LUC7L: variants seen among roughly 807,000 people sequenced by gnomAD.
LUC7L encodes LUC7 like, also known as putative RNA-binding protein Luc7-like 1.
A neutral mutation model predicts 51.1 loss-of-function variants in LUC7L; 29 were observed. The ratio of observed to expected loss-of-function variants is 0.57; its 90% CI spans 0.42 to 0.77. The LOEUF is 0.77. Among genes scored for constraint, LUC7L ranks in the 30% least tolerant of loss-of-function variants. The probability of loss-of-function intolerance (pLI) is 0.00; values close to 1 mark genes in which losing one functional copy is unlikely to be tolerated. For synonymous variants in LUC7L, 181 were observed against 180.7 expected, an observed-to-expected ratio of 1.00 and a Z score of -0.01; for missense variants, 403 against 511.9, an observed-to-expected ratio of 0.79 and a Z score of 2.05.
At chr16:198,170 T>C (rs1319318194) in intron 6 of LUC7L, among the ~76,000 whole-genome samples, 3 of 147,182 alleles carry the variant, frequency 2.0e-5, no homozygotes, top group African/African-American at 2.5e-5. Flanking sequence ...TCCCAGCTAC[T>C]GTGGAGGCTG....
intron 3 of LUC7L, chr16:209,517 A>T (rs1220969570): frequency 4.0e-5 from 6 of 151,656 alleles, no homozygotes; most frequent in Non-Finnish European, 8.8e-5. Context: ...ATAGGGCATC[A>T]CTTTTCCGAC....
intron 5 of LUC7L, among the ~76,000 whole-genome samples, chr16:201,242 T>TAAAAAAAAAAAAAAAAAA: frequency 1.3e-5 from 1 of 78,520 alleles, no homozygotes; most frequent in Non-Finnish European, 2.3e-5. Context: ...GCTACATAAC[T>TAAAAAAAAAAAAAAAAAA]AAAAAAAAAA....
chr16:223,059 G>A (rs920284173), intron 2 of LUC7L, among the ~76,000 whole-genome samples: 1 of 151,004 alleles, frequency 6.6e-6, no homozygotes, highest in Admixed American at 6.6e-5. Flanking sequence ...CAGTCTCATA[G>A]AAAGCATGTA....
In LUC7L at chr16:189,629, A is replaced by C. The variant is rs1250178463; in HGVS notation, c.975-290T>G. 4 of 1,325,706 alleles carry C rather than the reference A, an allele frequency of 3.0e-6. No individual in the cohort carries two copies. The African/African-American group carries it at 5.8e-5, about 19-fold the overall frequency. The allele number at this position is 1,325,706 out of a possible 1,614,324, so 82.1% of individuals were successfully genotyped here. A position where few individuals can be genotyped will look rare whatever the true frequency, so the allele number is the denominator to read the frequency against. ...AGAACATGACACTACGTAAAAACAC[A>C]ATGGAAAAAAAAATATCAAAAACAA... On this transcript the variant is annotated intron_variant, in intron 9 of 9. Coordinates refer to ENST00000293872, the MANE Select transcript of LUC7L (RefSeq NM_201412.3).
In LUC7L at chr16:192,391, T is replaced by C. The variant is rs2049032357; in HGVS notation, c.776+536A>G. 3.3e-5 allele frequency among the ~76,000 whole-genome samples: 5 copies of C among 152,002 alleles called. No homozygotes were observed. The South Asian group carries it at 1.0e-3, about 32-fold the overall frequency. On this transcript the variant is annotated intron_variant, in intron 7 of 9. Coordinates refer to ENST00000293872, the MANE Select transcript of LUC7L (RefSeq NM_201412.3). The stretch of plus-strand genomic sequence containing the variant: ...ATAGCACTCAGTAAGTAAACAGCAG[T>C]GCCCACACACAGCCTCCAACAGCTT...
intron 5 of LUC7L, among the ~76,000 whole-genome samples, chr16:202,421 G>A (rs760233720): frequency 7.9e-5 from 12 of 152,092 alleles, no homozygotes; most frequent in Non-Finnish European, 1.3e-4. Context: ...AGATTTGGAC[G>A]TGCCACACAT....
chr16:194,009 T>G (rs981576782), intron 6 of LUC7L, among the ~76,000 whole-genome samples: 1 of 152,048 alleles, frequency 6.6e-6, no homozygotes, highest in African/African-American at 2.4e-5. Context: ...TTCACCATGT[T>G]AGCCAGGATG....
intron 1 of LUC7L, 75 bp from the exon 2 acceptor site, chr16:227,411 C>G: frequency 6.5e-7 from 1 of 1,532,358 alleles, no homozygotes; most frequent in South Asian, 1.2e-5. Flanking sequence ...TATAACAATT[C>G]ACCTGGATGA....
rs1022581983 is a variant in LUC7L at position 199,182 on chromosome 16, G to A, written c.567C>T (p.Val189=). 1.2e-6 allele frequency: 2 copies of A among 1,610,758 alleles called. No homozygotes were observed. The highest frequency in any genetic ancestry group is 1.7e-6 in the Non-Finnish European group (2 of 1,177,242). The change falls in exon 6 of 10, where the codon GTC becomes GTT. Residue 189 remains valine (V), a synonymous_variant. Coordinates refer to ENST00000293872, the MANE Select transcript of LUC7L (RefSeq NM_201412.3). ...CAAGGTAGGCTGAACAGACCTCGCA[G>A]ACACGCAGCTTTTGCTGCTGAAAAC... ...ASSFQQQKLR[V]CEVCSAYLGL...
chr16:189,594 CT>C, intron 9 of LUC7L: 2 of 1,356,996 alleles, frequency 1.5e-6, no homozygotes, highest in Non-Finnish European at 1.9e-6. Flanking sequence ...GAATACAACA[CT>C]ATATGCACAG....
chr16:224,468 G>A (rs376490086), intron 2 of LUC7L, among the ~76,000 whole-genome samples: 3 of 150,234 alleles, frequency 2.0e-5, no homozygotes, highest in East Asian at 3.9e-4. Context: ...GCAGTGAGCT[G>A]AGATGGAGCC....
chr16:208,319 T>A, intron 3 of LUC7L, 131 bp from the exon 4 acceptor site: 1 of 648,958 alleles, frequency 1.5e-6, no homozygotes, highest in Non-Finnish European at 2.7e-6. Flanking sequence ...GGAAAGATCT[T>A]AAACTACACT....
chr16:198,301 A>G (rs989487257), intron 6 of LUC7L, among the ~76,000 whole-genome samples: 1 of 151,598 alleles, frequency 6.6e-6, no homozygotes, highest in African/African-American at 2.4e-5. Flanking sequence ...AAAAAAAAAA[A>G]AAAAAGTTTT....
chr16:228,139 G>A (rs1378360406), intron 1 of LUC7L: 1 of 1,130,026 alleles, frequency 8.8e-7, no homozygotes, highest in Non-Finnish European at 1.1e-6. Context: ...AAATTTTAAA[G>A]CTAGTCTGTG....
intron 6 of LUC7L, among the ~76,000 whole-genome samples, chr16:193,572 C>T (rs1017814623): frequency 1.1e-4 from 16 of 152,154 alleles, no homozygotes; most frequent in Admixed American, 2.0e-4. Context: ...TCTTTGCTCA[C>T]TGAAGCCTCT....
chr16:200,644 G>A (rs1361183738), intron 5 of LUC7L, among the ~76,000 whole-genome samples: 1 of 152,096 alleles, frequency 6.6e-6, no homozygotes, highest in Non-Finnish European at 1.5e-5. Flanking sequence ...CACTTTAGGA[G>A]AGTGAAGCAA....
intron 6 of LUC7L, among the ~76,000 whole-genome samples, chr16:196,403 G>A (rs2142046145): frequency 6.6e-6 from 1 of 150,706 alleles, no homozygotes; most frequent in East Asian, 1.9e-4. Context: ...GCAAGACCCT[G>A]CCTCAAACAA....
At chr16:199,776 A>AG (rs1039440692) in intron 5 of LUC7L, among the ~76,000 whole-genome samples, 158 of 150,794 alleles carry the variant, frequency 1.0e-3, no homozygotes, top group African/African-American at 3.3e-3. Flanking sequence ...AAAAAAAAAA[A>AG]AAAGAGAGAT....
intron 4 of LUC7L, among the ~76,000 whole-genome samples, chr16:207,770 G>A (rs1191751593): frequency 6.6e-6 from 1 of 152,210 alleles, no homozygotes; most frequent in Non-Finnish European, 1.5e-5. Flanking sequence ...AGCACTTTGG[G>A]AGGCTGAGGC....
Sources: gnomAD v4.1 joint callset for allele counts (sites outside exome capture counted in the v4.1 genomes callset) on GRCh38, gnomAD v4.1.1 for gene constraint, MANE v1.5 for transcripts, NCBI Gene and HGNC (gene_info 2026-07-23, HGNC 2026-07-21) for gene names.